The following MAP2 variants were observed in gnomAD, a reference collection of about 807,000 sequenced individuals.
MAP2 encodes microtubule associated protein 2.
In MAP2, 14 loss-of-function variants were observed where a neutral mutation model predicts 137.6. The observed-to-expected ratio is 0.10, with a 90% CI of 0.07 to 0.16. MAP2 has a LOEUF of 0.16. Ranked by LOEUF, MAP2 falls within the 10% of genes least tolerant of loss-of-function variation. The pLI is 1.00. For synonymous variants in MAP2, 786 were observed against 782.3 expected (o/e 1.00, Z -0.08); for missense variants, 2,088 against 2,191.5 (o/e 0.95, Z 0.94).
At chr2:209,514,173 A>G (rs921574329) in intron 2 of MAP2, among the ~76,000 whole-genome samples, 2 of 151,300 alleles carry the variant, frequency 1.3e-5, no homozygotes, top group African/African-American at 4.9e-5. Context: ...AGAATCCTGG[A>G]TATGTTTTTT....
At chr2:209,545,967 C>G (rs781755283) in intron 2 of MAP2, among the ~76,000 whole-genome samples, 4 of 152,014 alleles carry the variant, frequency 2.6e-5, no homozygotes, top group African/African-American at 7.2e-5. Context: ...GGTGAAACCC[C>G]GTCTCTACTA....
chr2:209,662,040 C>T (rs1421063309), intron 5 of MAP2, among the ~76,000 whole-genome samples: 5 of 152,094 alleles, frequency 3.3e-5, no homozygotes, highest in East Asian at 1.9e-4. Context: ...TTTCTTAAGA[C>T]GGTAATTCTT....
intron 2 of MAP2, among the ~76,000 whole-genome samples, chr2:209,529,979 A>G (rs1469947749): frequency 7.3e-6 from 1 of 137,064 alleles, no homozygotes; most frequent in Non-Finnish European, 1.5e-5. Flanking sequence ...CCTTAGGTAT[A>G]TTTAATTTTG....
intron 3 of MAP2, among the ~76,000 whole-genome samples, chr2:209,583,127 A>ATCCG (rs1425335316): frequency 3.1e-5 from 4 of 128,570 alleles, no homozygotes; most frequent in African/African-American, 1.3e-4. Context: ...CTATCTATCT[A>ATCCG]TCTATCCATC....
chr2:209,655,109 A>G (rs16843390), intron 5 of MAP2, among the ~76,000 whole-genome samples: 5,025 of 152,288 alleles, frequency 0.033, 271 homozygotes, highest in African/African-American at 0.11. Context: ...AAGTCAGTGT[A>G]TTATCACCAG....
chr2:209,611,126 G>A (rs959963407), intron 3 of MAP2, among the ~76,000 whole-genome samples: 4 of 152,098 alleles, frequency 2.6e-5, no homozygotes, highest in Non-Finnish European at 5.9e-5. Flanking sequence ...AGTTACAAAT[G>A]ACGCCAAATA....
intron 3 of MAP2, among the ~76,000 whole-genome samples, chr2:209,616,516 G>T (rs145754188): frequency 6.6e-6 from 1 of 152,236 alleles, no homozygotes; most frequent in Non-Finnish European, 1.5e-5. Flanking sequence ...GAAGCATTAA[G>T]CAGGGTATAG....
At chr2:209,603,887 T>C (rs12622979) in intron 3 of MAP2, among the ~76,000 whole-genome samples, 25,948 of 152,082 alleles carry the variant, frequency 0.17, 3,236 homozygotes, top group African/African-American at 0.35. Context: ...ATGAGAAAAG[T>C]TTGTGTAATG....
chr2:209,612,014 AG>A (rs2087075344), intron 3 of MAP2, among the ~76,000 whole-genome samples: 1 of 152,208 alleles, frequency 6.6e-6, no homozygotes, highest in African/African-American at 2.4e-5. Flanking sequence ...AGCTGGAAAA[AG>A]ACAGGTCTGT....
chr2:209,533,704 A>G (rs2065495875), intron 2 of MAP2, among the ~76,000 whole-genome samples: 1 of 152,218 alleles, frequency 6.6e-6, no homozygotes, highest in Non-Finnish European at 1.5e-5. Flanking sequence ...CTTCTGGTTC[A>G]GATATACAGA....
chr2:209,666,496 G>C (rs757345555), intron 5 of MAP2, among the ~76,000 whole-genome samples: 2 of 152,006 alleles, frequency 1.3e-5, no homozygotes, highest in Non-Finnish European at 2.9e-5. Context: ...CATTCAGTTG[G>C]AATAACAGTA....
chr2:209,705,620 C>A lies in MAP2; in HGVS notation c.4625C>A (p.Pro1542Gln), dbSNP rs1316004505. ...TKSPEKRSSLPRPSSILPPRR... is the reference protein window; with the variant it reads ...TKSPEKRSSLQRPSSILPPRR... ...AGCCCAGAAAAGCGCTCTTCTCTCC[C>A]AAGACCTTCCTCCATTCTCCCTCCT... Residue 1542 changes from proline to glutamine, a missense_variant, in exon 12 of 16, where the codon CCA becomes CAA. By Grantham distance (76) the Pro-to-Gln change is moderately conservative. Coordinates refer to ENST00000682079, the MANE Select transcript of MAP2 (RefSeq NM_001375505.1). 1 of 1,612,852 alleles carries A rather than the reference C, an allele frequency of 6.2e-7. No individual in the cohort carries two copies. The highest frequency in any genetic ancestry group is 1.3e-5 in the African/African-American group (1 of 74,974).
In MAP2 at chr2:209,490,605, C is replaced by CAAAAAAAAAAAAAA. The variant is rs59133937; in HGVS notation, c.-221-16970_-221-16957dup. Among the ~76,000 whole-genome samples the CAAAAAAAAAAAAAA allele has an allele frequency of 1.6e-3, 9 of 5,562 alleles. 1 individual carries two copies. Among genetic ancestry groups the CAAAAAAAAAAAAAA allele is most frequent in the Non-Finnish European group, 2.5e-3 (9 of 3,548 alleles). 3.6% of individuals were successfully genotyped at this position (5,562 alleles called of 152,430 possible). ...GAAGATTTACCAAGCAAATGGAAAG[C>CAAAAAAAAAAAAAA]AAAAAAAAAAAAAAAAAAAAAAAAA... On this transcript the variant is annotated intron_variant, in intron 1 of 15. Transcript: ENST00000682079.
chr2:209,542,624 T>C (rs986710522), intron 2 of MAP2, among the ~76,000 whole-genome samples: 28 of 152,268 alleles, frequency 1.8e-4, no homozygotes, highest in Non-Finnish European at 2.9e-5. Flanking sequence ...CTAGATCTTC[T>C]AGAGAACTTG....
intron 1 of MAP2, among the ~76,000 whole-genome samples, chr2:209,493,476 A>C (rs2059380125): frequency 1.3e-5 from 2 of 152,224 alleles, no homozygotes; most frequent in Admixed American, 1.3e-4. Flanking sequence ...ACAGCAAAAG[A>C]AACTGTCATC....
At chr2:209,542,531 A>G (rs1005752545) in intron 2 of MAP2, among the ~76,000 whole-genome samples, 4 of 152,258 alleles carry the variant, frequency 2.6e-5, no homozygotes, top group Non-Finnish European at 5.9e-5. Flanking sequence ...AGTCCTAGAT[A>G]GGATCTTCTT....
intron 2 of MAP2, among the ~76,000 whole-genome samples, chr2:209,544,703 T>C (rs1577726220): frequency 6.6e-6 from 1 of 152,158 alleles, no homozygotes; most frequent in East Asian, 1.9e-4. Flanking sequence ...AAGAGCAAAA[T>C]AATAATCATG....
chr2:209,694,235 C>G lies in MAP2; in HGVS notation c.2065C>G (p.Leu689Val), dbSNP rs748316679. The change falls in exon 8 of 16, where the codon CTT becomes GTT. Residue 689 changes from leucine (L) to valine (V), a missense_variant. Around this residue, in one of 6 missense-constraint regions of MAP2, gnomAD observed 18 missense variants for 41.6 expected, o/e 0.43. Transcript: ENST00000682079. ...TTTGACCCTTAGCAGGAGTTTAGGA[C>G]TTGGTGGTAGGTCTGCAATAGAACA... Reference protein sequence around the residue: ...DDLTLSRSLGLGGRSAIEQRS... With the variant: ...DDLTLSRSLGVGGRSAIEQRS... 3.1e-6 allele frequency: 5 copies of G among 1,613,944 alleles called. No homozygotes were observed. The Admixed American group carries it at 8.3e-5, about 27-fold the overall frequency.
chr2:209,718,787 A>C (rs2068855245), intron 13 of MAP2, among the ~76,000 whole-genome samples: 1 of 152,244 alleles, frequency 6.6e-6, no homozygotes, highest in Non-Finnish European at 1.5e-5. Context: ...AAAAAATTTT[A>C]AAGAAACTAT....
Sources: gnomAD v4.1 joint callset for allele counts (sites outside exome capture counted in the v4.1 genomes callset) on GRCh38, gnomAD v4.1.1 for gene constraint, gnomAD v4.1.1 regional missense constraint, MANE v1.5 for transcripts, NCBI Gene and HGNC (gene_info 2026-07-23, HGNC 2026-07-21) for gene names.